The following CASD1 variants were observed in gnomAD, a reference collection of about 807,000 sequenced individuals.
The protein encoded by CASD1 is CAS1 domain sialic acid O acetyltransferase 1, also known as N-acetylneuraminate (7)9-O-acetyltransferase.
In CASD1, 41 loss-of-function variants were observed where a neutral mutation model predicts 100.0. That is an observed-to-expected ratio of 0.41 (90% CI 0.32 to 0.53). The LOEUF is 0.53. Ranked by LOEUF, CASD1 falls within the 20% of genes least tolerant of loss-of-function variation. The pLI is 0.25. For synonymous variants in CASD1, 321 were observed against 315.6 expected (o/e 1.02, Z -0.18); for missense variants, 774 against 948.7 (o/e 0.82, Z 2.42).
intron 15 of CASD1, 171 bp downstream of exon 15, chr7:94,551,649 A>C (rs920676674): frequency 1.1e-5 from 3 of 269,816 alleles, no homozygotes; most frequent in Non-Finnish European, 2.0e-5. Context: ...TAGCTAGACA[A>C]ATTTAGTAAA....
intron 1 of CASD1, among the ~76,000 whole-genome samples, chr7:94,513,777 A>T (rs1278933424): frequency 6.6e-6 from 1 of 152,218 alleles, no homozygotes; most frequent in Non-Finnish European, 1.5e-5. Context: ...GTGGATAAAT[A>T]GATTTCAAAG....
the CASD1 span, chr7:94,586,997 G>A: frequency 1.0e-6 from 1 of 983,748 alleles, no homozygotes; most frequent in Non-Finnish European, 1.2e-6. Flanking sequence ...GCAGAAAAAT[G>A]TAAGAAAACA....
intron 16 of CASD1, chr7:94,553,136 A>C (rs1261083582): frequency 2.1e-6 from 1 of 480,544 alleles, no homozygotes; most frequent in African/African-American, 2.0e-5. Flanking sequence ...TCTCACATTC[A>C]TGATTTTCAC....
At chr7:94,514,503 ATTCTCTTCAAAGGAAAACATAAGTTGGGG>A (rs1793876275) in intron 1 of CASD1, among the ~76,000 whole-genome samples, 1 of 152,178 alleles carries the variant, frequency 6.6e-6, no homozygotes, top group African/African-American at 2.4e-5. Context: ...TGCCAGAGAT[ATTCTCTTCAAAGGAAAACATAAGTTGGGG>A]TTTATATGGG....
the CASD1 span, among the ~76,000 whole-genome samples, chr7:94,564,373 T>C: frequency 6.6e-6 from 1 of 152,168 alleles, no homozygotes; most frequent in African/African-American, 2.4e-5. Context: ...ATCCCTGCAT[T>C]CTTTGGATCT....
chr7:94,519,924 T>C (rs1794178542), intron 3 of CASD1, among the ~76,000 whole-genome samples: 2 of 152,202 alleles, frequency 1.3e-5, no homozygotes, highest in African/African-American at 4.8e-5. Flanking sequence ...CAATAGGTAG[T>C]TGAAAAAAGC....
At chr7:94,555,165 G>A (rs1796143292) in intron 17 of CASD1, among the ~76,000 whole-genome samples, 1 of 151,982 alleles carries the variant, frequency 6.6e-6, no homozygotes, top group South Asian at 2.1e-4. Flanking sequence ...AATTTATATT[G>A]TAATAACAAC....
In CASD1 at chr7:94,547,270, C is replaced by T. The variant is rs1026156475; in HGVS notation, c.1713+95C>T. 9 of 812,680 alleles carry T rather than the reference C, an allele frequency of 1.1e-5. No individual in the cohort carries two copies. The East Asian group carries it at 2.0e-4, about 18-fold the overall frequency. 50.3% of individuals were successfully genotyped at this position (812,680 alleles called of 1,614,324 possible). ...GAGAAGAGTCAGAGCTTTTTTTTAGCTTCATTTTTTAATGACTGTAATAAA... is the reference window on the plus strand; with the variant it reads ...GAGAAGAGTCAGAGCTTTTTTTTAGTTTCATTTTTTAATGACTGTAATAAA... On this transcript the variant is annotated intron_variant, in intron 13 of 17. Coordinates refer to ENST00000297273, the MANE Select transcript of CASD1 (RefSeq NM_022900.5).
At chr7:94,522,090 GAA>G (rs1794311128) in intron 3 of CASD1, among the ~76,000 whole-genome samples, 1 of 152,026 alleles carries the variant, frequency 6.6e-6, no homozygotes, top group African/African-American at 2.4e-5. Context: ...TTTCAAAAAA[GAA>G]AAGAGTAAGA....
intron 3 of CASD1, 48 bp from the exon 4 acceptor site, chr7:94,527,114 A>G: frequency 7.1e-7 from 1 of 1,411,906 alleles, no homozygotes; most frequent in Non-Finnish European, 9.9e-7. Context: ...CATTTTTTAT[A>G]TAAATTTAAT....
chr7:94,628,250 T>G, the CASD1 span: 1 of 1,611,990 alleles, frequency 6.2e-7, no homozygotes. Flanking sequence ...GGGACCCATA[T>G]AGGACTCCAT....
the CASD1 span, among the ~76,000 whole-genome samples, chr7:94,592,519 GTAAC>G: frequency 6.6e-5 from 10 of 152,050 alleles, no homozygotes; most frequent in Admixed American, 3.9e-4. Context: ...TAAGAAAACT[GTAAC>G]TAAATTATTA....
the CASD1 span, chr7:94,626,207 T>C: frequency 1.3e-5 from 2 of 152,096 alleles, no homozygotes; most frequent in African/African-American, 2.4e-5. Flanking sequence ...GAAAATATCT[T>C]CTCCCAGTTT....
rs1796224549 is a variant in CASD1 at position 94,556,810 on chromosome 7, CATTT to C, written c.*1059_*1062del. On this transcript the variant is annotated 3_prime_UTR_variant, in exon 18 of 18. Transcript: ENST00000297273. ...TTACAAGCTAACTGTTAGAGGTATA[CATTT>C]ATTTATCTGTTGTACAGATTTGATT... is the stretch of plus-strand genomic sequence containing the variant. 6.6e-6 allele frequency: 1 copy of C among 151,842 alleles called. No homozygotes were observed. The highest frequency in any genetic ancestry group is 2.1e-4 in the South Asian group (1 of 4,824). 9.4% of individuals were successfully genotyped at this position (151,842 alleles called of 1,614,324 possible).
chr7:94,535,200 ATAC>A, intron 7 of CASD1, 106 bp from the exon 8 acceptor site: 1 of 779,636 alleles, frequency 1.3e-6, no homozygotes, highest in South Asian at 1.7e-5. Context: ...GGTACCATCT[ATAC>A]TTTTAAAAAT....
Position 94,509,823 on chromosome 7 carries a change from G to T in CASD1, c.-262G>T. The T allele has an allele frequency of 1.0e-6, 1 of 998,994 alleles. No individual in the cohort carries two copies. Among genetic ancestry groups the T allele is most frequent in the Non-Finnish European group, 1.2e-6 (1 of 839,194 alleles). 61.9% of individuals were successfully genotyped at this position (998,994 alleles called of 1,614,324 possible). ...AGGAAGGGGAGGAGACAGGCGTCCA[G>T]GGCGCCTGGGGAACCGGCACGGCGG... is the stretch of plus-strand genomic sequence containing the variant. On this transcript the variant is annotated 5_prime_UTR_variant, in exon 1 of 18. In the 5' UTR this introduces an upstream ATG that the reference lacks. Transcript: ENST00000297273.
chr7:94,605,978 G>A, the CASD1 span, among the ~76,000 whole-genome samples: 92 of 152,064 alleles, frequency 6.1e-4, no homozygotes, highest in African/African-American at 1.5e-3. Context: ...ACAGGTGCCC[G>A]CCACCACACC....
At chr7:94,628,575 A>C in the CASD1 span, 3 of 538,002 alleles carry the variant, frequency 5.6e-6, no homozygotes, top group Non-Finnish European at 1.0e-5. Flanking sequence ...GATGCAACAA[A>C]GAAAGCAGAT....
chr7:94,510,312 G>C (rs1421988239), intron 1 of CASD1, 95 bp downstream of exon 1: 2 of 985,722 alleles, frequency 2.0e-6, no homozygotes, highest in Non-Finnish European at 2.7e-6. Flanking sequence ...ACGCCCACGC[G>C]GCCTTCCGCC....
Sources: allele counts gnomAD v4.1 joint callset (sites outside exome capture counted in the v4.1 genomes callset), GRCh38; gene constraint gnomAD v4.1.1; transcripts MANE v1.5; gene names NCBI Gene and HGNC (gene_info 2026-07-23, HGNC 2026-07-21).